The following WWC1 variants were observed in gnomAD, a reference collection of about 807,000 sequenced individuals.
WWC1 encodes WW and C2 domain containing 1, also known as protein KIBRA.
In WWC1, 55 loss-of-function variants were observed where a neutral mutation model predicts 138.4. That is an observed-to-expected ratio of 0.40 (90% CI 0.32 to 0.50). The LOEUF is 0.50. WWC1 is among the 20% of genes least tolerant of loss of function. The pLI is 0.72. For missense variants in WWC1, 1,226 were observed against 1,420.4 expected (o/e 0.86, Z 2.20); for synonymous variants, 524 against 564.9 (o/e 0.93, Z 1.03).
chr5:168,419,593 G>A (rs544433723), intron 9 of WWC1, among the ~76,000 whole-genome samples: 3 of 152,344 alleles, frequency 2.0e-5, no homozygotes, highest in Admixed American at 2.0e-4. Flanking sequence ...GCAGGTCAAA[G>A]TAGGGCCCAG....
chr5:168,304,118 A>T, intron 1 of WWC1, among the ~76,000 whole-genome samples: 1 of 152,188 alleles, frequency 6.6e-6, no homozygotes, highest in Non-Finnish European at 1.5e-5. Flanking sequence ...CATTATATTC[A>T]AGTTCCACTG....
intron 1 of WWC1, among the ~76,000 whole-genome samples, chr5:168,347,882 A>C (rs956865525): frequency 1.3e-5 from 2 of 152,186 alleles, no homozygotes; most frequent in Non-Finnish European, 2.9e-5. Flanking sequence ...CACTATCTCC[A>C]GAGAAAGAAT....
intron 4 of WWC1, 78 bp downstream of exon 4, chr5:168,397,878 C>A: frequency 1.3e-6 from 2 of 1,489,844 alleles, no homozygotes; most frequent in Admixed American, 1.7e-5. Flanking sequence ...CCCACAAGAC[C>A]AGAACAGATG....
chr5:168,386,831 G>A (rs1053432320), intron 3 of WWC1, among the ~76,000 whole-genome samples: 1 of 151,864 alleles, frequency 6.6e-6, no homozygotes, highest in African/African-American at 2.4e-5. Flanking sequence ...TGTATTTTTA[G>A]TAAAGACAGG....
intron 1 of WWC1, among the ~76,000 whole-genome samples, chr5:168,293,372 T>G (rs1447555921): frequency 6.6e-6 from 1 of 152,120 alleles, no homozygotes; most frequent in Non-Finnish European, 1.5e-5. Flanking sequence ...TCTTGGACTC[T>G]TCATCTTGTG....
chr5:168,416,091 C>T (rs890317597), intron 9 of WWC1: 8 of 152,028 alleles, frequency 5.3e-5, no homozygotes, highest in African/African-American at 1.7e-4. Context: ...TGAGTAGGCC[C>T]CACTTGCACA....
At chr5:168,407,400 C>T (rs1779878207) in intron 6 of WWC1, among the ~76,000 whole-genome samples, 1 of 152,188 alleles carries the variant, frequency 6.6e-6, no homozygotes, top group Non-Finnish European at 1.5e-5. Context: ...CTCTTACCCC[C>T]TGTACATATC....
At chr5:168,345,599 T>A (rs1029783689) in intron 1 of WWC1, among the ~76,000 whole-genome samples, 11 of 152,228 alleles carry the variant, frequency 7.2e-5, no homozygotes. Context: ...GGATTGTACT[T>A]GCATTGCTTT....
intron 1 of WWC1, among the ~76,000 whole-genome samples, chr5:168,370,068 T>A (rs927409249): frequency 9.9e-6 from 1 of 101,104 alleles, no homozygotes; most frequent in African/African-American, 4.0e-5. Flanking sequence ...GCCCAGCTAA[T>A]TTTTGCATTT....
intron 1 of WWC1, among the ~76,000 whole-genome samples, chr5:168,299,536 G>A (rs1369813165): frequency 6.6e-6 from 1 of 152,198 alleles, no homozygotes; most frequent in Non-Finnish European, 1.5e-5. Context: ...GCTCCCAACA[G>A]CCAGGGAATG....
chr5:168,403,074 CTT>C (rs555818024), intron 5 of WWC1, among the ~76,000 whole-genome samples: 2 of 113,422 alleles, frequency 1.8e-5, no homozygotes, highest in Non-Finnish European at 3.7e-5. Context: ...TTCTTTCTTT[CTT>C]TCTTTTCTTT....
chr5:168,433,727 G>A (rs1582283138), intron 15 of WWC1, among the ~76,000 whole-genome samples: 2 of 152,004 alleles, frequency 1.3e-5, no homozygotes, highest in Non-Finnish European at 1.5e-5. Flanking sequence ...TAGTAGAGGC[G>A]GGGTTTTGCC....
intron 2 of WWC1, among the ~76,000 whole-genome samples, chr5:168,383,456 T>C (rs866278199): frequency 7.9e-5 from 12 of 152,196 alleles, no homozygotes; most frequent in African/African-American, 2.9e-4. Flanking sequence ...CTTTGATCTT[T>C]ATTTCACTGG....
At chr5:168,450,533 G>A (rs1311448772) in intron 17 of WWC1, among the ~76,000 whole-genome samples, 1 of 152,114 alleles carries the variant, frequency 6.6e-6, no homozygotes, top group African/African-American at 2.4e-5. Flanking sequence ...TGGCATGGCG[G>A]CACGTGCCTG....
chr5:168,414,160 T>C, intron 8 of WWC1, 188 bp from the exon 9 acceptor site: 1 of 734,696 alleles, frequency 1.4e-6, no homozygotes. Context: ...GCCTACTTCA[T>C]TGTTGGCACA....
At chr5:168,451,024 AT>A (rs1420877787) in intron 17 of WWC1, among the ~76,000 whole-genome samples, 1 of 152,000 alleles carries the variant, frequency 6.6e-6, no homozygotes, top group Non-Finnish European at 1.5e-5. Flanking sequence ...TTATTTATTT[AT>A]TTATTTTGAG....
rs561723411 is a variant in WWC1, at chr5:168,342,969, T to G, written c.120-28455T>G. Among the ~76,000 whole-genome samples, 11 of 152,260 alleles carry G rather than the reference T, an allele frequency of 7.2e-5. No homozygotes were observed. In the South Asian group the frequency reaches 2.3e-3, roughly 32 times the overall value. On this transcript the variant is annotated intron_variant, in intron 1 of 22. Coordinates refer to ENST00000265293, the MANE Select transcript of WWC1 (RefSeq NM_015238.3). ...GCAAGGGGTGTTTCCAGTTCCAGTG[T>G]TAAAAAATTCCATCCAATTTGTAGG...
rs191828836 is a variant in WWC1 at position 168,365,738 on chromosome 5, C to T, written c.120-5686C>T. Among the ~76,000 whole-genome samples the T allele has an allele frequency of 1.1e-4, 17 of 152,268 alleles. No homozygotes were observed. In the East Asian group the frequency reaches 1.9e-3, roughly 17 times the overall value. ...TGGCAGAACCTACCTGTCTCCACAG[C>T]GACACATCTGGCCGTTTTTCCAGGA... On this transcript the variant is annotated intron_variant, in intron 1 of 22. Transcript: ENST00000265293.
chr5:168,398,966 C>A (rs1176515493), intron 4 of WWC1, among the ~76,000 whole-genome samples: 2 of 152,210 alleles, frequency 1.3e-5, no homozygotes, highest in African/African-American at 4.8e-5. Context: ...TTGAATAATA[C>A]AGTGTAGGCC....
Sources: gnomAD v4.1 joint callset for allele counts (sites outside exome capture counted in the v4.1 genomes callset) on GRCh38, gnomAD v4.1.1 for gene constraint, MANE v1.5 for transcripts, NCBI Gene and HGNC (gene_info 2026-07-23, HGNC 2026-07-21) for gene names.